PDE1B: variants seen among roughly 807,000 people sequenced by gnomAD.
The protein encoded by PDE1B is dual specificity calcium/calmodulin-dependent 3',5'-cyclic nucleotide phosphodiesterase 1B.
Under a neutral mutation model 66.7 loss-of-function variants are expected in PDE1B, and 13 were observed. That is an observed-to-expected ratio of 0.19 (90% confidence interval 0.13 to 0.31). The LOEUF is 0.31. Among genes scored for constraint, PDE1B ranks in the 10% least tolerant of loss-of-function variants. The pLI, the probability that PDE1B is intolerant of heterozygous loss-of-function variation, is 1.00. For missense variants in PDE1B, 485 were observed against 682.3 expected, an observed-to-expected ratio of 0.71 and a Z score of 3.22; for synonymous variants, 230 against 253.9, an observed-to-expected ratio of 0.91 and a Z score of 0.90.
chr12:54,576,510 A>G lies in PDE1B; in HGVS notation c.1377-61A>G, dbSNP rs1957751909. 12 of 1,605,634 alleles carry G rather than the reference A, an allele frequency of 7.5e-6. 1 individual carries two copies. The South Asian group carries it at 1.3e-4, about 18-fold the overall frequency. On this transcript the variant is annotated intron_variant, in intron 13 of 15. Coordinates refer to ENST00000243052, the MANE Select transcript of PDE1B (RefSeq NM_000924.4). ...TTCCATGTCCTGCACTCCCAGGGCT[A>G]AGGTGGTTCTGGAGTGGGCTGGGGC...
At chr12:54,568,198 T>A (rs1384348593) in intron 3 of PDE1B, among the ~76,000 whole-genome samples, 1 of 152,156 alleles carries the variant, frequency 6.6e-6, no homozygotes, top group African/African-American at 2.4e-5. Context: ...GCGTGATGGT[T>A]CATGCCTGTA....
chr12:54,552,825 T>C (rs1479770893), intron 2 of PDE1B, among the ~76,000 whole-genome samples: 1 of 152,218 alleles, frequency 6.6e-6, no homozygotes, highest in Non-Finnish European at 1.5e-5. Flanking sequence ...TCAGCATCTG[T>C]AACCCTAAGA....
rs534990027 is a variant in PDE1B at position 54,569,044 on chromosome 12, T to C, written c.228-140T>C. ...TGTTAGATAAAGAAATAAAAAGATA[T>C]AGAGAAAGAAAGGAAACAGGGTTGA... is the stretch of plus-strand genomic sequence containing the variant. On this transcript the variant is annotated intron_variant, in intron 3 of 15. Coordinates refer to ENST00000243052, the MANE Select transcript of PDE1B (RefSeq NM_000924.4). This position sits in a 1 kb window ranked among gnomAD's most constrained non-coding sequence, Gnocchi z 4.4. The C allele has an allele frequency of 1.0e-4, 138 of 1,382,144 alleles. No individual in the cohort carries two copies. Among genetic ancestry groups the C allele is most frequent in the African/African-American group, 8.3e-4 (57 of 68,808 alleles). 85.6% of individuals were successfully genotyped at this position (1,382,144 alleles called of 1,614,324 possible). A position where few individuals can be genotyped will look rare whatever the true frequency, so the allele number is the denominator to read the frequency against.
chr12:54,573,889 G>GTA lies in PDE1B; in HGVS notation c.1064+181_1064+182insAT, dbSNP rs1957671721. ...AGAGAGAGTGTGTGTGTGTGTGTGT[G>GTA]TGTGTGTGTGTGTGTGTGTGTGTCC... On this transcript the variant is annotated intron_variant, in intron 10 of 15. Transcript: ENST00000243052. This position sits in a 1 kb window ranked among gnomAD's most constrained non-coding sequence, Gnocchi z 5.2. 1.7e-6 allele frequency: 1 copy of GTA among 592,390 alleles called. No homozygotes were observed. Among genetic ancestry groups the GTA allele is most frequent in the Admixed American group, 2.8e-5 (1 of 35,560 alleles). 36.7% of individuals were successfully genotyped at this position (592,390 alleles called of 1,614,324 possible).
chr12:54,561,575 T>G, intron 2 of PDE1B: 1 of 1,523,586 alleles, frequency 6.6e-7, no homozygotes, highest in Non-Finnish European at 8.8e-7. Flanking sequence ...AGCAGGAAAC[T>G]TTGATTCCCA....
intron 2 of PDE1B, among the ~76,000 whole-genome samples, chr12:54,557,047 G>A (rs1178485477): frequency 1.3e-5 from 2 of 152,102 alleles, no homozygotes; most frequent in African/African-American, 4.8e-5. Flanking sequence ...TCTCTTCTCT[G>A]TGCCCACCTT....
At chr12:54,553,786 A>G (rs962786521) in intron 2 of PDE1B, among the ~76,000 whole-genome samples, 2 of 152,130 alleles carry the variant, frequency 1.3e-5, no homozygotes, top group Non-Finnish European at 2.9e-5. Context: ...TAGGGACCTC[A>G]GGACAGAGCC....
chr12:54,573,074 C>A lies in PDE1B; in HGVS notation c.736-74C>A. 1 of 1,056,596 alleles carries A rather than the reference C, an allele frequency of 9.5e-7. No individual in the cohort carries two copies. The allele number at this position is 1,056,596 out of a possible 1,614,324, so 65.5% of individuals were successfully genotyped here. A position where few individuals can be genotyped will look rare whatever the true frequency, so the allele number is the denominator to read the frequency against. ...GGAAGGGATGGGATGAGTGATCTAG[C>A]CTGTGTGTGGAGGTTCCTGGGAAGT... On this transcript the variant is annotated intron_variant, in intron 7 of 15. Coordinates refer to ENST00000243052, the MANE Select transcript of PDE1B (RefSeq NM_000924.4). The surrounding 1 kb of genome is among the most constrained non-coding windows in gnomAD (Gnocchi z 5.2).
chr12:54,560,569 G>T (rs1384947495), intron 2 of PDE1B, among the ~76,000 whole-genome samples: 1 of 152,136 alleles, frequency 6.6e-6, no homozygotes, highest in Non-Finnish European at 1.5e-5. Context: ...TGTATTGGTG[G>T]CGACATCTCC....
At chr12:54,550,151 G>T (rs1957254935) in intron 2 of PDE1B, 166 bp downstream of exon 2, 1 of 1,434,502 alleles carries the variant, frequency 7.0e-7, no homozygotes. Flanking sequence ...GGCCACATGT[G>T]CAAGGCATGT....
rs1410016737 is a variant in PDE1B at position 54,578,579 on chromosome 12, C to G, written c.*737C>G. The G allele has an allele frequency of 6.6e-6, 1 of 152,324 alleles. No individual in the cohort carries two copies. Among genetic ancestry groups the G allele is most frequent in the Non-Finnish European group, 1.5e-5 (1 of 68,152 alleles). The allele number at this position is 152,324 out of a possible 1,614,324, so 9.4% of individuals were successfully genotyped here. A position where few individuals can be genotyped will look rare whatever the true frequency, so the allele number is the denominator to read the frequency against. ...GCGGGAGGCCTTTCCTGGGACCTTC[C>G]TTGGGACTGGTCTGGGCCCCTGGGG... On this transcript the variant is annotated 3_prime_UTR_variant, in exon 16 of 16. Transcript: ENST00000243052.
At chr12:54,562,831 A>G (rs950451638) in intron 2 of PDE1B, among the ~76,000 whole-genome samples, 1 of 152,058 alleles carries the variant, frequency 6.6e-6, no homozygotes, top group African/African-American at 2.4e-5. Context: ...TTTATTCTTT[A>G]ATCTTTTTTC....
chr12:54,551,056 A>G (rs956375178), intron 2 of PDE1B, among the ~76,000 whole-genome samples: 1 of 152,226 alleles, frequency 6.6e-6, no homozygotes, highest in Non-Finnish European at 1.5e-5. Context: ...ATGGATGTTT[A>G]GAGAGGAAAC....
In PDE1B at chr12:54,573,033, G is replaced by T; in HGVS notation, c.736-115G>T. 1.2e-6 allele frequency: 1 copy of T among 818,758 alleles called. No homozygotes were observed. Among genetic ancestry groups the T allele is most frequent in the South Asian group, 1.6e-5 (1 of 63,812 alleles). 50.7% of individuals were successfully genotyped at this position (818,758 alleles called of 1,614,324 possible). A position where few individuals can be genotyped will look rare whatever the true frequency, so the allele number is the denominator to read the frequency against. ...AGAAACCTGGCTGCATTAACCAAGA[G>T]CTGGCCTGGAAGCATGGAAGGGATG... On this transcript the variant is annotated intron_variant, in intron 7 of 15. Coordinates refer to ENST00000243052, the MANE Select transcript of PDE1B (RefSeq NM_000924.4). This position sits in a 1 kb window ranked among gnomAD's most constrained non-coding sequence, Gnocchi z 5.2.
At position 54,569,428 on chromosome 12, in the gene PDE1B, C is replaced by T. The variant is rs1048553891; in HGVS notation, c.410+62C>T. The T allele has an allele frequency of 1.8e-5, 29 of 1,589,308 alleles. No individual in the cohort carries two copies. The African/African-American group carries it at 2.0e-4, about 11-fold the overall frequency. ...AGCTGTGCCCCTCTTTCCCAGCCAC[C>T]CTGGTCTTCCATGACCACCAGCCAT... On this transcript the variant is annotated intron_variant, in intron 4 of 15. Coordinates refer to ENST00000243052, the MANE Select transcript of PDE1B (RefSeq NM_000924.4). The surrounding 1 kb of genome is among the most constrained non-coding windows in gnomAD (Gnocchi z 4.4).
chr12:54,564,856 C>T (rs1957486218), intron 2 of PDE1B, among the ~76,000 whole-genome samples: 1 of 152,142 alleles, frequency 6.6e-6, no homozygotes, highest in Admixed American at 6.5e-5. Flanking sequence ...AGCTTTGAAT[C>T]CAGGATTCCT....
chr12:54,561,761 CGT>C (rs3036634), intron 2 of PDE1B: 68,238 of 432,354 alleles, frequency 0.16, 3,893 homozygotes, highest in African/African-American at 0.24. Context: ...ATGTTTTGTG[CGT>C]GTGTGTGTGT....
At position 54,569,403 on chromosome 12, in the gene PDE1B, A is replaced by C. The variant is rs772070495; in HGVS notation, c.410+37A>C. 3.1e-6 allele frequency: 5 copies of C among 1,591,302 alleles called. No homozygotes were observed. The East Asian group carries it at 1.1e-4, about 36-fold the overall frequency. ...CCACACTCAGCCTCCCTCTGCCTTT[A>C]GCTGTGCCCCTCTTTCCCAGCCACC... On this transcript the variant is annotated intron_variant, in intron 4 of 15. Transcript: ENST00000243052. The surrounding 1 kb of genome is among the most constrained non-coding windows in gnomAD (Gnocchi z 4.4).
intron 2 of PDE1B, among the ~76,000 whole-genome samples, chr12:54,564,888 G>A (rs1452577247): frequency 1.3e-5 from 2 of 152,336 alleles, no homozygotes; most frequent in South Asian, 2.1e-4. Context: ...TGGTGCTGCT[G>A]CTGGATACAT....
Sources: allele counts gnomAD v4.1 joint callset (sites outside exome capture counted in the v4.1 genomes callset), GRCh38; gene constraint gnomAD v4.1.1; non-coding constraint Gnocchi (gnomAD v3.1); transcripts MANE v1.5; gene names NCBI Gene and HGNC (gene_info 2026-07-23, HGNC 2026-07-21).